Variants in ZNF880 observed in about 807,000 individuals in gnomAD.
ZNF880 encodes zinc finger protein 880.
A neutral mutation model predicts 11.8 loss-of-function variants in ZNF880; 12 were observed. That is an observed-to-expected ratio of 1.02 (90% CI 0.65 to 1.65). The LOEUF (loss-of-function observed/expected upper bound fraction) is 1.65. Ranked by LOEUF, ZNF880 falls within the 40% of genes most tolerant of loss-of-function variation. The probability of loss-of-function intolerance (pLI) is 0.00; values close to 1 mark genes in which losing one functional copy is unlikely to be tolerated. For missense variants in ZNF880, 601 were observed against 673.9 expected, an observed-to-expected ratio of 0.89 and a Z score of 1.20; for synonymous variants, 210 against 232.4, an observed-to-expected ratio of 0.90 and a Z score of 0.88.
the ZNF880 span, among the ~76,000 whole-genome samples, chr19:52,393,097 G>T: frequency 6.8e-6 from 1 of 148,114 alleles, no homozygotes; most frequent in East Asian, 2.0e-4. Flanking sequence ...TTCTGAGACA[G>T]AGTCTCACTC....
intron 1 of ZNF880, among the ~76,000 whole-genome samples, chr19:52,372,535 G>A (rs1430643738): frequency 1.5e-4 from 22 of 150,036 alleles, no homozygotes; most frequent in Non-Finnish European, 2.2e-4. Context: ...TGATCCACCC[G>A]CCTTGGCCTC....
upstream of ZNF880, among the ~76,000 whole-genome samples, chr19:52,369,067 A>G (rs1986258028): frequency 6.6e-6 from 1 of 150,476 alleles, no homozygotes; most frequent in Admixed American, 6.6e-5. Flanking sequence ...AATATGAAAA[A>G]AAAAAAAAAA....
chr19:52,367,537 G>T (rs910081934), upstream of ZNF880: 2 of 152,158 alleles, frequency 1.3e-5, no homozygotes, highest in African/African-American at 4.8e-5. Context: ...ATGATTTTAA[G>T]GTTGAAGCAG....
chr19:52,393,868 G>A, the ZNF880 span, among the ~76,000 whole-genome samples: 34 of 114,846 alleles, frequency 3.0e-4, no homozygotes, highest in South Asian at 5.8e-4. Context: ...ACGGAGTCTT[G>A]CTCTGTCGCC....
the ZNF880 span, among the ~76,000 whole-genome samples, chr19:52,394,047 G>A: frequency 6.6e-6 from 1 of 151,256 alleles, no homozygotes; most frequent in African/African-American, 2.4e-5. Context: ...CACCGTGTTA[G>A]CCAGGATAGT....
At chr19:52,369,017 G>T (rs1600244170), upstream of ZNF880, among the ~76,000 whole-genome samples, 5 of 139,438 alleles carry the variant, frequency 3.6e-5, no homozygotes, top group East Asian at 2.2e-4. Context: ...ACCTGAGTAT[G>T]TCCATAAGAC....
the ZNF880 span, chr19:52,391,448 T>C: frequency 3.5e-5 from 5 of 143,052 alleles, no homozygotes; most frequent in East Asian, 4.1e-4. Flanking sequence ...AGAGAAGGAA[T>C]AGAGGGAAGA....
At chr19:52,392,089 C>A in the ZNF880 span, among the ~76,000 whole-genome samples, 1 of 152,028 alleles carries the variant, frequency 6.6e-6, no homozygotes, top group African/African-American at 2.4e-5. Context: ...CAAAACTGCC[C>A]CCAGAATTTG....
the ZNF880 span, among the ~76,000 whole-genome samples, chr19:52,392,303 T>TC: frequency 9.4e-5 from 14 of 149,214 alleles, no homozygotes; most frequent in Admixed American, 2.7e-4. Flanking sequence ...TCTCTCTCTC[T>TC]TTCTTTTCTT....
Position 52,384,103 on chromosome 19 carries a change from C to G in ZNF880, c.523C>G (p.Gln175Glu). Residue 175 changes from glutamine to glutamate, a missense_variant, in exon 4 of 4, where the codon CAA becomes GAA. Physicochemically the swap from Gln to Glu is conservative, Grantham distance 29 (BLOSUM62 2). This residue lies in a region of ZNF880 where 420 missense variants were observed against 442.6 expected (regional missense o/e 0.95). Coordinates refer to ENST00000422689, the MANE Select transcript of ZNF880 (RefSeq NM_001145434.2). ...TGATTCTCCATTTCTCCCACAAGAA[C>G]AAAAAGCACAAATAAGGGAAAAACC... is the stretch of plus-strand genomic sequence containing the variant. Reference protein sequence around the residue: ...FDDSPFLPQEQKAQIREKPCE... With the variant: ...FDDSPFLPQEEKAQIREKPCE... 8 of 1,595,476 alleles carry G rather than the reference C, an allele frequency of 5.0e-6. No homozygotes were observed. Among genetic ancestry groups the G allele is most frequent in the Non-Finnish European group, 6.0e-6 (7 of 1,170,326 alleles).
chr19:52,371,906 C>T (rs902823717), intron 1 of ZNF880, among the ~76,000 whole-genome samples: 4 of 151,652 alleles, frequency 2.6e-5, no homozygotes, highest in African/African-American at 9.7e-5. Flanking sequence ...AAGCTTCATC[C>T]TGGCTGGGTG....
the ZNF880 span, chr19:52,394,914 C>T: frequency 3.3e-5 from 5 of 152,444 alleles, no homozygotes; most frequent in African/African-American, 1.2e-4. Context: ...GTCTCTGTCC[C>T]TTCGCATCCA....
intron 1 of ZNF880, chr19:52,370,280 C>G (rs1455993157): frequency 2.3e-6 from 1 of 427,152 alleles, no homozygotes; most frequent in Non-Finnish European, 4.3e-6. Context: ...AGTTCTCACC[C>G]GCGAGATGGA....
At position 52,385,436 on chromosome 19, in the gene ZNF880, T is replaced by G. The variant is rs555939742; in HGVS notation, c.*122T>G. 1,349 of 1,150,196 alleles carry G rather than the reference T, an allele frequency of 1.2e-3. 3 individuals carry two copies. Among genetic ancestry groups the G allele is most frequent in the Non-Finnish European group, 1.5e-3 (1,222 of 826,230 alleles). The allele number at this position is 1,150,196 out of a possible 1,614,324, so 71.2% of individuals were successfully genotyped here. On this transcript the variant is annotated 3_prime_UTR_variant, in exon 4 of 4. Transcript: ENST00000422689. ...TCTTCATGCTAAGTTCTAGCATTAA[T>G]CAACATCAGAGATTCCATACTAAAG...
Position 52,383,891 on chromosome 19 carries a change from T to G in ZNF880, c.311T>G (p.Leu104Arg). ...GGAAGCAATGCCGGAAACAAGTCTC[T>G]TAAAAATCAACTTGGATTAACCTTT... Reference protein sequence around the residue: ...KLGSNAGNKSLKNQLGLTFQL... With the variant: ...KLGSNAGNKSRKNQLGLTFQL... The change falls in exon 4 of 4, where the codon CTT becomes CGT. Residue 104 changes from leucine to arginine, a missense_variant. Coordinates refer to ENST00000422689, the MANE Select transcript of ZNF880 (RefSeq NM_001145434.2). 6.5e-7 allele frequency: 1 copy of G among 1,537,166 alleles called. No homozygotes were observed. Among genetic ancestry groups the G allele is most frequent in the South Asian group, 1.2e-5 (1 of 81,182 alleles).
intron 3 of ZNF880, among the ~76,000 whole-genome samples, chr19:52,381,845 A>T (rs1445243254): frequency 1.3e-5 from 2 of 152,160 alleles, no homozygotes; most frequent in Non-Finnish European, 2.9e-5. Flanking sequence ...AGGTACAGAA[A>T]GGTCTACTTC....
upstream of ZNF880, chr19:52,366,888 C>A: frequency 2.8e-6 from 2 of 711,402 alleles, no homozygotes; most frequent in Non-Finnish European, 4.6e-6. Context: ...CCTCATCACT[C>A]ATCTCTTGAT....
In ZNF880 at chr19:52,384,125, A is replaced by C; in HGVS notation, c.545A>C (p.Lys182Thr). ...GAACAAAAAGCACAAATAAGGGAAA[A>C]ACCGTGTGAATGTAATGAGCATGGC... ...PQEQKAQIRE[K>T]PCECNEHGKA... Residue 182 changes from lysine to threonine, a missense_variant, in exon 4 of 4, where the codon AAA becomes ACA. Transcript: ENST00000422689. 2 of 1,601,868 alleles carry C rather than the reference A, an allele frequency of 1.2e-6. No homozygotes were observed. The highest frequency in any genetic ancestry group is 2.2e-5 in the South Asian group (2 of 89,872).
chr19:52,374,210 AAT>A, intron 2 of ZNF880, 87 bp from the exon 3 acceptor site: 1 of 1,055,632 alleles, frequency 9.5e-7, no homozygotes, highest in East Asian at 2.7e-5. Context: ...ACGCCCCGCT[AAT>A]TTTTTTTTTT....
Sources: gnomAD v4.1 joint callset for allele counts (sites outside exome capture counted in the v4.1 genomes callset) on GRCh38, gnomAD v4.1.1 for gene constraint, gnomAD v4.1.1 regional missense constraint, MANE v1.5 for transcripts, NCBI Gene and HGNC (gene_info 2026-07-23, HGNC 2026-07-21) for gene names.